SLC40A1: variants seen among roughly 807,000 people sequenced by gnomAD.
SLC40A1 encodes the protein solute carrier family 40 member 1.
In SLC40A1, 16 loss-of-function variants were observed where a neutral mutation model predicts 53.5. The ratio of observed to expected loss-of-function variants is 0.30; its 90% CI spans 0.20 to 0.45. The LOEUF is 0.45. Ranked by LOEUF, SLC40A1 falls within the 20% of genes least tolerant of loss-of-function variation. The pLI, the probability that SLC40A1 is intolerant of heterozygous loss-of-function variation, is 1.00. For missense variants in SLC40A1, 545 were observed against 695.4 expected, an observed-to-expected ratio of 0.78 and a Z score of 2.43; for synonymous variants, 247 against 253.2, an observed-to-expected ratio of 0.98 and a Z score of 0.23.
chr2:189,575,200 T>C lies in SLC40A1; in HGVS notation c.232A>G (p.Ile78Val). The C allele has an allele frequency of 6.2e-7, 1 of 1,614,138 alleles. No individual in the cohort carries two copies. Among genetic ancestry groups the C allele is most frequent in the African/African-American group, 1.3e-5 (1 of 75,052 alleles). The change falls in exon 3 of 8, where the codon ATC becomes GTC. Residue 78 changes from isoleucine (I) to valine (V), a missense_variant. Physicochemically the swap from Ile to Val is conservative, Grantham distance 29 (BLOSUM62 3). Transcript: ENST00000261024. ...TTCTTGTCCACCCAGTCACCGATGA[T>C]GGCTCCCAGGACCAGAACAGACCCT... ...VAGSVLVLGA[I>V]IGDWVDKNAR... is the part of the protein sequence containing the mutation.
chr2:189,575,615 T>C (rs1453642202), intron 2 of SLC40A1, among the ~76,000 whole-genome samples: 3 of 152,248 alleles, frequency 2.0e-5, no homozygotes, highest in African/African-American at 7.2e-5. Context: ...AGATGGCTTT[T>C]TGAGACAAAA....
Position 189,575,314 on chromosome 2 carries a change from G to A in SLC40A1, c.118C>T (p.Arg40Trp), listed in dbSNP as rs80248011. The change falls in exon 3 of 8, where the codon CGG (arginine) becomes TGG (tryptophan). Residue 40 changes from arginine to tryptophan, a missense_variant. Physicochemically the swap from Arg to Trp is moderately radical, Grantham distance 101. Coordinates refer to ENST00000261024, the MANE Select transcript of SLC40A1 (RefSeq NM_014585.6). ...ACAGACACCGCAAAGTGCCACATCC[G>A]ATCTCCCTTAAATGAAAAGAGAAAA... The part of the protein sequence containing the change: ...LGHSLSTWGD[R>W]MWHFAVSVFL... 2.5e-6 allele frequency: 4 copies of A among 1,613,982 alleles called. No individual in the cohort carries two copies. The highest frequency in any genetic ancestry group is 3.4e-6 in the Non-Finnish European group (4 of 1,179,922).
In SLC40A1 at chr2:189,563,678, A is replaced by G. The variant is rs2030829404; in HGVS notation, c.1308T>C (p.Ser436=). Residue 436 remains serine, a synonymous_variant, in exon 7 of 8, where the codon TCT becomes TCC. Coordinates refer to ENST00000261024, the MANE Select transcript of SLC40A1 (RefSeq NM_014585.6). ...TCTCCGGGACAATATTAGCAGAATT[A>G]GACCCATTAGACATGTATATTTCAG... ...ITTEIYMSNG[S]NSANIVPETS... The G allele has an allele frequency of 6.2e-7, 1 of 1,614,100 alleles. No homozygotes were observed. Among genetic ancestry groups the G allele is most frequent in the Admixed American group, 1.7e-5 (1 of 60,034 alleles).
chr2:189,578,665 T>A (rs144784425), intron 2 of SLC40A1, among the ~76,000 whole-genome samples: 1 of 152,214 alleles, frequency 6.6e-6, no homozygotes, highest in Non-Finnish European at 1.5e-5. Context: ...GTTGTTTCAC[T>A]AGGTTTCTAC....
Position 189,572,975 on chromosome 2 carries a change from G to A in SLC40A1, c.272-14C>T, listed in dbSNP as rs771203234. On this transcript the variant is annotated splice_polypyrimidine_tract_variant and intron_variant, in intron 3 of 7. Coordinates refer to ENST00000261024, the MANE Select transcript of SLC40A1 (RefSeq NM_014585.6). ...AGGTCTGGGCCACTGTGCAGAGGAA[G>A]AGAGAAAGTGTACATTACATCAAAA... The A allele has an allele frequency of 4.5e-5, 69 of 1,546,750 alleles. No individual in the cohort carries two copies. Among genetic ancestry groups the A allele is most frequent in the Non-Finnish European group, 6.0e-5 (67 of 1,118,754 alleles).
rs1467146143 is a variant in SLC40A1, at chr2:189,561,916, C to T, written c.1678G>A (p.Val560Ile). ...LFACGPDAKE[V>I]RKENQANTSV... ...GTATTTGCTTGATTTTCCTTCCTAA[C>T]TTCTTTTGCATCAGGACCGCAAGCA... Residue 560 changes from valine to isoleucine, a missense_variant, in exon 8 of 8, where the codon GTT becomes ATT. Coordinates refer to ENST00000261024, the MANE Select transcript of SLC40A1 (RefSeq NM_014585.6). 2.5e-6 allele frequency: 4 copies of T among 1,614,152 alleles called. No homozygotes were observed. The highest frequency in any genetic ancestry group is 1.7e-5 in the Admixed American group (1 of 60,026).
intron 2 of SLC40A1, chr2:189,578,395 C>T (rs1341819572): frequency 2.0e-6 from 2 of 1,001,070 alleles, no homozygotes; most frequent in Non-Finnish European, 2.4e-6. Flanking sequence ...TCTTGTGGGA[C>T]TTTTAATGAA....
chr2:189,561,984 A>G lies in SLC40A1; in HGVS notation c.1610T>C (p.Met537Thr), dbSNP rs1049772419. 3 of 1,614,006 alleles carry G rather than the reference A, an allele frequency of 1.9e-6. No homozygotes were observed. Among genetic ancestry groups the G allele is most frequent in the African/African-American group, 2.7e-5 (2 of 74,958 alleles). ...AGTATTTTGGGCAAATCGGAAATAC[A>G]TAATGTGGCCCATTGCCACAAAGGA... is the stretch of plus-strand genomic sequence containing the variant. ...SVSFVAMGHI[M>T]YFRFAQNTLG... is the part of the protein sequence containing the mutation. The change falls in exon 8 of 8, where the codon ATG (methionine) becomes ACG (threonine). Residue 537 changes from methionine to threonine, a missense_variant. Coordinates refer to ENST00000261024, the MANE Select transcript of SLC40A1 (RefSeq NM_014585.6).
intron 2 of SLC40A1, among the ~76,000 whole-genome samples, chr2:189,575,853 T>C (rs1324557611): frequency 6.6e-6 from 1 of 152,182 alleles, no homozygotes; most frequent in Non-Finnish European, 1.5e-5. Context: ...CTAAAACCTA[T>C]GAGATTTCAT....
upstream of SLC40A1, chr2:189,580,786 C>CGCA (rs2031447856): frequency 3.1e-6 from 4 of 1,273,144 alleles, no homozygotes; most frequent in Admixed American, 3.4e-5. Flanking sequence ...CCGCCGCCGC[C>CGCA]GCCGTGGGCC....
chr2:189,575,622 A>G (rs2031265381), intron 2 of SLC40A1, among the ~76,000 whole-genome samples: 1 of 152,228 alleles, frequency 6.6e-6, no homozygotes, highest in South Asian at 2.1e-4. Context: ...TTTTTGAGAC[A>G]AAAACGTGTT....
Position 189,564,033 on chromosome 2 carries a change from T to A in SLC40A1, c.953A>T (p.Tyr318Phe), listed in dbSNP as rs1360890309. ...FLAGMGLAFLYMTVLGFDCIT... is the reference protein window; with the variant it reads ...FLAGMGLAFLFMTVLGFDCIT... Reference sequence around the variant, plus strand: ...GCAGTCAAAGCCCAGGACAGTCATATAAAGGAAAGCAAGACCCATGCCAGC... The same window carrying A: ...GCAGTCAAAGCCCAGGACAGTCATAAAAAGGAAAGCAAGACCCATGCCAGC... The change falls in exon 7 of 8, where the codon TAT (tyrosine) becomes TTT (phenylalanine). Residue 318 changes from tyrosine (Y) to phenylalanine (F), a missense_variant. By Grantham distance (22) the Tyr-to-Phe change is conservative. Around this residue, in one of 4 missense-constraint regions of SLC40A1, gnomAD observed 7 missense variants for 26.7 expected, o/e 0.26. Transcript: ENST00000261024. 6.2e-7 allele frequency: 1 copy of A among 1,613,806 alleles called. No individual in the cohort carries two copies. The highest frequency in any genetic ancestry group is 8.5e-7 in the Non-Finnish European group (1 of 1,179,768).
rs924458125 is a variant in SLC40A1 at position 189,580,775 on chromosome 2, G to GCCGCCGCCT, written c.-316_-315insAGGCGGCGG. On this transcript the variant is annotated 5_prime_UTR_variant, in exon 1 of 8. Coordinates refer to ENST00000261024, the MANE Select transcript of SLC40A1 (RefSeq NM_014585.6). ...ACGCCCTGAGCCAGCTCTCTCCGCCGCCGCCGCCGCCGCCGTGGGCCGGGC... is the reference window on the plus strand; with the variant it reads ...ACGCCCTGAGCCAGCTCTCTCCGCCGCCGCCGCCTCCGCCGCCGCCGCCGTGGGCCGGGC... 1 of 1,265,094 alleles carries GCCGCCGCCT rather than the reference G, an allele frequency of 7.9e-7. No individual in the cohort carries two copies. Among genetic ancestry groups the GCCGCCGCCT allele is most frequent in the African/African-American group, 1.5e-5 (1 of 65,068 alleles). The allele number at this position is 1,265,094 out of a possible 1,614,324, so 78.4% of individuals were successfully genotyped here.
Position 189,560,832 on chromosome 2 carries a change from C to CT in SLC40A1, c.*1045dup. 6.6e-6 allele frequency: 1 copy of CT among 152,554 alleles called. No individual in the cohort carries two copies. Among genetic ancestry groups the CT allele is most frequent in the Non-Finnish European group, 1.5e-5 (1 of 68,002 alleles). The allele number at this position is 152,554 out of a possible 1,614,324, so 9.5% of individuals were successfully genotyped here. ...AACAATTTTTTAAAATATATACAAA[C>CT]TTTTTTTCTTCTATTCTTCTCAAAG... On this transcript the variant is annotated 3_prime_UTR_variant, in exon 8 of 8. Transcript: ENST00000261024.
chr2:189,575,442 G>A, intron 2 of SLC40A1, 122 bp from the exon 3 acceptor site: 2 of 871,650 alleles, frequency 2.3e-6, no homozygotes, highest in Non-Finnish European at 3.8e-6. Context: ...TTCAAAGTCA[G>A]TAATTACTCT....
rs776645173 is a variant in SLC40A1, at chr2:189,572,970, A to C, written c.272-9T>G. On this transcript the variant is annotated splice_polypyrimidine_tract_variant and intron_variant, in intron 3 of 7. Transcript: ENST00000261024. ...CAGCGAGGTCTGGGCCACTGTGCAG[A>C]GGAAGAGAGAAAGTGTACATTACAT... 3 of 1,576,706 alleles carry C rather than the reference A, an allele frequency of 1.9e-6. No homozygotes were observed. The African/African-American group carries it at 4.0e-5, about 21-fold the overall frequency.
At chr2:189,578,810 G>A (rs927479757) in intron 2 of SLC40A1, among the ~76,000 whole-genome samples, 1 of 152,154 alleles carries the variant, frequency 6.6e-6, no homozygotes, top group African/African-American at 2.4e-5. Flanking sequence ...TCTATAAACT[G>A]CTATTTCTTA....
Position 189,565,417 on chromosome 2 carries a change from G to A in SLC40A1, c.697C>T (p.Leu233=), listed in dbSNP as rs186912553. The A allele has an allele frequency of 1.9e-6, 3 of 1,614,208 alleles. No homozygotes were observed. In the South Asian group the frequency reaches 3.3e-5, roughly 18 times the overall value. ...LWKVYQKTPA[L]AVKAGLKEEE... is the part of the protein sequence containing the mutation. ...TCTTTAAGACCAGCTTTCACAGCTA[G>A]AGCTGGGGTTTTCTGGTAAACCTTC... The change falls in exon 6 of 8, where the codon CTA becomes TTA. Residue 233 remains leucine (L), a synonymous_variant. Coordinates refer to ENST00000261024, the MANE Select transcript of SLC40A1 (RefSeq NM_014585.6).
At chr2:189,566,409 G>C (rs528490153) in intron 5 of SLC40A1, among the ~76,000 whole-genome samples, 14 of 152,292 alleles carry the variant, frequency 9.2e-5, no homozygotes, top group African/African-American at 3.4e-4. Context: ...GCAAGGTACT[G>C]CCCAAAAAAT....
Sources: gnomAD v4.1 joint callset for allele counts (sites outside exome capture counted in the v4.1 genomes callset) on GRCh38, gnomAD v4.1.1 for gene constraint, gnomAD v4.1.1 regional missense constraint, MANE v1.5 for transcripts, NCBI Gene and HGNC (gene_info 2026-07-23, HGNC 2026-07-21) for gene names.